Variants in PRKAR2A observed in about 807,000 individuals in gnomAD.
PRKAR2A encodes cAMP-dependent protein kinase type II-alpha regulatory subunit.
PRKAR2A carries 29 observed loss-of-function variants against 51.9 expected under a neutral mutation model. That is an observed-to-expected ratio of 0.56 (90% CI 0.42 to 0.76). The LOEUF (loss-of-function observed/expected upper bound fraction) is 0.76, where lower values mean the gene tolerates loss of function less well. Among genes scored for constraint, PRKAR2A ranks in the 30% least tolerant of loss-of-function variants. PRKAR2A has a pLI of 0.00. For missense variants in PRKAR2A, 445 were observed against 512.1 expected (o/e 0.87, Z 1.26); for synonymous variants, 178 against 186.2 (o/e 0.96, Z 0.36).
intron 1 of PRKAR2A, among the ~76,000 whole-genome samples, chr3:48,814,413 C>A (rs906975491): frequency 1.3e-5 from 2 of 152,044 alleles, no homozygotes; most frequent in African/African-American, 4.8e-5. Context: ...AGTGAGACTC[C>A]ATCTCAAAAC....
intron 1 of PRKAR2A, among the ~76,000 whole-genome samples, chr3:48,824,324 G>C (rs1429898394): frequency 1.3e-5 from 2 of 152,022 alleles, no homozygotes; most frequent in Non-Finnish European, 2.9e-5. Context: ...AAGCCCAGGA[G>C]GCAGAGGTTG....
intron 1 of PRKAR2A, among the ~76,000 whole-genome samples, chr3:48,811,863 A>C (rs2082776729): frequency 6.6e-6 from 1 of 152,164 alleles, no homozygotes; most frequent in South Asian, 2.1e-4. Context: ...AGCCAGGCTC[A>C]AAAAAGACCA....
intron 1 of PRKAR2A, among the ~76,000 whole-genome samples, chr3:48,807,908 T>A (rs1028089659): frequency 1.3e-5 from 2 of 152,230 alleles, no homozygotes; most frequent in African/African-American, 4.8e-5. Context: ...ATACCTTCAA[T>A]ATATTCAACC....
chr3:48,833,184 C>T (rs2083223025), intron 1 of PRKAR2A, among the ~76,000 whole-genome samples: 1 of 152,186 alleles, frequency 6.6e-6, no homozygotes, highest in Non-Finnish European at 1.5e-5. Context: ...TACAGGTGCA[C>T]ATCACCATAA....
intron 2 of PRKAR2A, among the ~76,000 whole-genome samples, chr3:48,803,553 T>C (rs1386760180): frequency 2.6e-5 from 4 of 152,138 alleles, no homozygotes; most frequent in South Asian, 2.1e-4. Context: ...GCCTCCTGAG[T>C]AGCTGGGATT....
chr3:48,837,715 G>T (rs1472106555), intron 1 of PRKAR2A, among the ~76,000 whole-genome samples: 1 of 151,470 alleles, frequency 6.6e-6, no homozygotes, highest in Non-Finnish European at 1.5e-5. Flanking sequence ...TGGATAAATG[G>T]TATATCCAGA....
chr3:48,760,569 C>T (rs1443761473), intron 8 of PRKAR2A, among the ~76,000 whole-genome samples: 3 of 151,154 alleles, frequency 2.0e-5, no homozygotes, highest in Admixed American at 6.6e-5. Flanking sequence ...CACCTGTAAT[C>T]CCAGCACTTT....
intron 1 of PRKAR2A, among the ~76,000 whole-genome samples, chr3:48,813,271 T>C (rs1040973311): frequency 1.0e-3 from 151 of 148,180 alleles, no homozygotes; most frequent in Non-Finnish European, 1.9e-3. Context: ...GGCAGGATGG[T>C]ATGCACGTGT....
At chr3:48,802,819 ATTT>A (rs2082611605) in intron 2 of PRKAR2A, among the ~76,000 whole-genome samples, 1 of 152,230 alleles carries the variant, frequency 6.6e-6, no homozygotes, top group African/African-American at 2.4e-5. Context: ...AAAAAAGTTC[ATTT>A]TTTAAGAAAT....
intron 1 of PRKAR2A, among the ~76,000 whole-genome samples, chr3:48,845,028 C>G (rs963542538): frequency 2.2e-4 from 34 of 152,086 alleles, no homozygotes; most frequent in Non-Finnish European, 3.7e-4. Flanking sequence ...AGGCTAATTT[C>G]TAAAATCCTA....
chr3:48,826,893 AC>A (rs2083077655), intron 1 of PRKAR2A, among the ~76,000 whole-genome samples: 2 of 151,962 alleles, frequency 1.3e-5, no homozygotes, highest in Admixed American at 6.6e-5. Context: ...AAAAAAAAAA[AC>A]AAAGTAAACT....
chr3:48,793,427 CTTG>C (rs1373146073), intron 3 of PRKAR2A, among the ~76,000 whole-genome samples: 2 of 152,076 alleles, frequency 1.3e-5, no homozygotes, highest in African/African-American at 4.8e-5. Flanking sequence ...GTATTTAAGG[CTTG>C]TTGTTGTTGT....
intron 2 of PRKAR2A, among the ~76,000 whole-genome samples, chr3:48,803,456 C>A (rs537313933): frequency 6.6e-6 from 1 of 152,202 alleles, no homozygotes; most frequent in South Asian, 2.1e-4. Flanking sequence ...TAGAGTCTTG[C>A]TCTTGTCACC....
chr3:48,843,246 C>T (rs1197511206), intron 1 of PRKAR2A, among the ~76,000 whole-genome samples: 5 of 152,018 alleles, frequency 3.3e-5, no homozygotes, highest in South Asian at 2.1e-4. Context: ...TCTGTGGGAT[C>T]GGTGGTGATA....
intron 6 of PRKAR2A, among the ~76,000 whole-genome samples, chr3:48,770,342 C>T (rs2082011468): frequency 6.6e-6 from 1 of 152,138 alleles, no homozygotes; most frequent in Admixed American, 6.6e-5. Flanking sequence ...CTTCTATTGA[C>T]TTTCAATAAA....
chr3:48,754,873 C>T (rs1331629288), intron 9 of PRKAR2A, among the ~76,000 whole-genome samples: 4 of 149,782 alleles, frequency 2.7e-5, no homozygotes, highest in Admixed American at 1.3e-4. Flanking sequence ...GTTGAGATTG[C>T]ACCACTGCAT....
chr3:48,782,694 G>A (rs868569367), intron 5 of PRKAR2A, among the ~76,000 whole-genome samples: 21 of 152,238 alleles, frequency 1.4e-4, no homozygotes, highest in Middle Eastern at 3.4e-3. Context: ...CACCTCAAGC[G>A]ATCCACCGGC....
chr3:48,765,089 A>G lies in PRKAR2A; in HGVS notation c.799-11T>C, dbSNP rs1252756172. ...CATTCGTTCTGACACCTGAAACAAC[A>G]AATTCACAAATAAAAGGAAAAGACC... On this transcript the variant is annotated splice_polypyrimidine_tract_variant and intron_variant, in intron 7 of 10. Transcript: ENST00000265563. The G allele has an allele frequency of 1.2e-6, 2 of 1,612,750 alleles. No individual in the cohort carries two copies. Among genetic ancestry groups the G allele is most frequent in the African/African-American group, 2.7e-5 (2 of 74,890 alleles).
intron 2 of PRKAR2A, among the ~76,000 whole-genome samples, chr3:48,797,692 T>C (rs577093706): frequency 2.0e-5 from 3 of 151,782 alleles, no homozygotes; most frequent in African/African-American, 7.3e-5. Flanking sequence ...AAGAGAAAAA[T>C]TAGGGGGGAT....
Sources: gnomAD v4.1 joint callset for allele counts (sites outside exome capture counted in the v4.1 genomes callset) on GRCh38, gnomAD v4.1.1 for gene constraint, MANE v1.5 for transcripts, NCBI Gene and HGNC (gene_info 2026-07-23, HGNC 2026-07-21) for gene names.